The following MARK1 variants were observed in gnomAD, a reference collection of about 807,000 sequenced individuals.
MARK1 encodes serine/threonine-protein kinase MARK1.
MARK1 carries 40 observed loss-of-function variants against 96.3 expected under a neutral mutation model. That is an observed-to-expected ratio of 0.42 (90% CI 0.32 to 0.54). The LOEUF (loss-of-function observed/expected upper bound fraction) is 0.54. Ranked by LOEUF, MARK1 falls within the 20% of genes least tolerant of loss-of-function variation. MARK1 has a pLI of 0.16. For missense variants in MARK1, 719 were observed against 984.6 expected, an observed-to-expected ratio of 0.73 and a Z score of 3.61; for synonymous variants, 317 against 341.2, an observed-to-expected ratio of 0.93 and a Z score of 0.78.
chr1:220,569,404 T>C (rs1043909509), intron 1 of MARK1, among the ~76,000 whole-genome samples: 7 of 152,134 alleles, frequency 4.6e-5, no homozygotes, highest in African/African-American at 1.7e-4. Context: ...TAAACTTTTT[T>C]TTAGTGACTT....
In MARK1 at chr1:220,662,181, A is replaced by C; in HGVS notation, c.*15A>C. The C allele has an allele frequency of 1.9e-6, 3 of 1,586,110 alleles. No homozygotes were observed. The South Asian group carries it at 3.3e-5, about 18-fold the overall frequency. On this transcript the variant is annotated 3_prime_UTR_variant, in exon 18 of 18. Transcript: ENST00000366917. ...TTAAGCTGTAAAGAAGTCCAAATTT[A>C]CAGGTTCAGGGAAGATACATACATA...
intron 4 of MARK1, 22 bp downstream of exon 4, chr1:220,598,401 TA>T: frequency 4.4e-6 from 1 of 226,886 alleles, no homozygotes; most frequent in Non-Finnish European, 9.0e-6. Flanking sequence ...ATATATATTA[TA>T]TATATATATA....
At chr1:220,583,921 C>A (rs1280821906) in intron 3 of MARK1, among the ~76,000 whole-genome samples, 1 of 151,156 alleles carries the variant, frequency 6.6e-6, no homozygotes, top group South Asian at 2.1e-4. Flanking sequence ...CCACCTCGGC[C>A]TCCCAAAGTG....
rs144699467 is a variant in MARK1, at chr1:220,585,644, A to G, written c.309+4526A>G. 2.2e-3 allele frequency among the ~76,000 whole-genome samples: 329 copies of G among 152,290 alleles called. 1 individual carries two copies. The highest frequency in any genetic ancestry group is 7.5e-3 in the African/African-American group (311 of 41,558). ...GAGTATGTCAAAAATCTATTTGCTA[A>G]TATCCCTCAAATTAAAACTTCCAGT... On this transcript the variant is annotated intron_variant, in intron 3 of 17. Coordinates refer to ENST00000366917, the MANE Select transcript of MARK1 (RefSeq NM_018650.5).
intron 1 of MARK1, among the ~76,000 whole-genome samples, chr1:220,539,661 G>A (rs1187080923): frequency 6.6e-6 from 1 of 151,942 alleles, no homozygotes; most frequent in Non-Finnish European, 1.5e-5. Context: ...CTATGAATGT[G>A]GTATATATCA....
At chr1:220,594,323 A>T (rs1013835380) in intron 3 of MARK1, among the ~76,000 whole-genome samples, 1 of 152,234 alleles carries the variant, frequency 6.6e-6, no homozygotes, top group African/African-American at 2.4e-5. Context: ...AACAATAGTG[A>T]GATACTGCTA....
chr1:220,591,624 T>C (rs866663324), intron 3 of MARK1, among the ~76,000 whole-genome samples: 1 of 152,156 alleles, frequency 6.6e-6, no homozygotes, highest in African/African-American at 2.4e-5. Flanking sequence ...GAGCTGTTAA[T>C]TGAAAAAAGC....
Position 220,616,983 on chromosome 1 carries a change from G to A in MARK1, c.552+988G>A, listed in dbSNP as rs75618324. 6.5e-3 allele frequency among the ~76,000 whole-genome samples: 985 copies of A among 152,240 alleles called. 16 individuals are homozygous for A. Among genetic ancestry groups the A allele is most frequent in the African/African-American group, 0.021 (855 of 41,554 alleles). On this transcript the variant is annotated intron_variant, in intron 7 of 17. Transcript: ENST00000366917. ...TGTACATTCCTGGAAGGAGACCTCA[G>A]AACCCCTTGCAGCTCTTCTCTTCTG...
At chr1:220,555,325 T>C (rs1175189526) in intron 1 of MARK1, among the ~76,000 whole-genome samples, 2 of 152,212 alleles carry the variant, frequency 1.3e-5, no homozygotes, top group Non-Finnish European at 2.9e-5. Flanking sequence ...AATAATCACA[T>C]ATGACTTAAT....
chr1:220,633,464 T>G (rs771438776), intron 11 of MARK1, among the ~76,000 whole-genome samples: 4 of 152,224 alleles, frequency 2.6e-5, no homozygotes, highest in Non-Finnish European at 5.9e-5. Flanking sequence ...CTGACATATA[T>G]TGAACCTTTA....
chr1:220,538,697 C>T (rs1426023088), intron 1 of MARK1, among the ~76,000 whole-genome samples: 5 of 152,136 alleles, frequency 3.3e-5, no homozygotes, highest in African/African-American at 1.2e-4. Flanking sequence ...TTCTTCCTAC[C>T]CATGAGCATG....
At chr1:220,530,862 A>G (rs949957495) in intron 1 of MARK1, among the ~76,000 whole-genome samples, 2 of 152,066 alleles carry the variant, frequency 1.3e-5, no homozygotes, top group Non-Finnish European at 2.9e-5. Flanking sequence ...CTTTACCCAC[A>G]CCTTATTTTC....
At chr1:220,594,626 G>A (rs764852111) in intron 3 of MARK1, among the ~76,000 whole-genome samples, 15 of 152,150 alleles carry the variant, frequency 9.9e-5, no homozygotes, top group Non-Finnish European at 1.3e-4. Flanking sequence ...CAACCAAGAC[G>A]TCCTTCAGTA....
intron 13 of MARK1, among the ~76,000 whole-genome samples, chr1:220,646,651 C>T (rs1481884301): frequency 6.6e-6 from 1 of 152,158 alleles, no homozygotes; most frequent in African/African-American, 2.4e-5. Flanking sequence ...TGACATAAAA[C>T]TGTACTACAA....
chr1:220,588,728 AAT>A (rs1415483051), intron 3 of MARK1, among the ~76,000 whole-genome samples: 2 of 152,066 alleles, frequency 1.3e-5, no homozygotes, highest in Non-Finnish European at 2.9e-5. Context: ...ACATAGATAA[AAT>A]ATATATATAC....
At chr1:220,651,080 G>A (rs1172205153) in intron 14 of MARK1, among the ~76,000 whole-genome samples, 1 of 151,976 alleles carries the variant, frequency 6.6e-6, no homozygotes, top group Non-Finnish European at 1.5e-5. Flanking sequence ...AGTCATTGCT[G>A]TATCTCAATA....
At chr1:220,575,217 T>C (rs1044503072) in intron 1 of MARK1, among the ~76,000 whole-genome samples, 12 of 152,160 alleles carry the variant, frequency 7.9e-5, no homozygotes, top group African/African-American at 2.9e-4. Flanking sequence ...AGGGTCACAT[T>C]ACCACTGCTG....
In MARK1 at chr1:220,528,757, G is replaced by A; in HGVS notation, c.-66G>A. On this transcript the variant is annotated 5_prime_UTR_variant, in exon 1 of 18. Coordinates refer to ENST00000366917, the MANE Select transcript of MARK1 (RefSeq NM_018650.5). ...CTCGCGTCCGCACCCCTTTCCTGTC[G>A]CCCCCCGGGGCCCGCACCACAGCCC... is the stretch of plus-strand genomic sequence containing the variant. 3 of 1,472,630 alleles carry A rather than the reference G, an allele frequency of 2.0e-6. No individual in the cohort carries two copies. The highest frequency in any genetic ancestry group is 2.8e-6 in the Non-Finnish European group (3 of 1,088,162). 91.2% of individuals were successfully genotyped at this position (1,472,630 alleles called of 1,614,324 possible).
chr1:220,581,539 C>T (rs1664243512), intron 3 of MARK1, among the ~76,000 whole-genome samples: 1 of 152,210 alleles, frequency 6.6e-6, no homozygotes, highest in South Asian at 2.1e-4. Context: ...GTGACCTAAG[C>T]CATTTAAACT....
Sources: gnomAD v4.1 joint callset for allele counts (sites outside exome capture counted in the v4.1 genomes callset) on GRCh38, gnomAD v4.1.1 for gene constraint, MANE v1.5 for transcripts, NCBI Gene and HGNC (gene_info 2026-07-23, HGNC 2026-07-21) for gene names.